Variants in SLC39A6 observed in about 807,000 individuals in gnomAD.
SLC39A6 encodes the protein zinc transporter ZIP6.
In SLC39A6, 51 loss-of-function variants were observed where a neutral mutation model predicts 63.5. The ratio of observed to expected loss-of-function variants is 0.80; its 90% confidence interval spans 0.64 to 1.01. The LOEUF is 1.01. Among genes scored for constraint, SLC39A6 ranks in the 50% least tolerant of loss-of-function variants. The pLI, the probability that SLC39A6 is intolerant of heterozygous loss-of-function variation, is 0.00. For synonymous variants in SLC39A6, 318 were observed against 324.7 expected (o/e 0.98, Z 0.22); for missense variants, 805 against 927.8 (o/e 0.87, Z 1.72).
chr18:36,111,056 T>A lies in SLC39A6; in HGVS notation c.2115+3A>T. Reference sequence around the variant, plus strand: ...AATGTAATAAGACTTCTTAAAAACTTACCATATCAACCAGAGCAACATACA... The same window carrying A: ...AATGTAATAAGACTTCTTAAAAACTAACCATATCAACCAGAGCAACATACA... On this transcript the variant is annotated splice_donor_region_variant and intron_variant, in intron 9 of 9. Transcript: ENST00000269187. The A allele has an allele frequency of 6.2e-7, 1 of 1,613,292 alleles. No homozygotes were observed. The highest frequency in any genetic ancestry group is 8.5e-7 in the Non-Finnish European group (1 of 1,179,368).
At position 36,123,702 on chromosome 18, in the gene SLC39A6, A is replaced by C. The variant is rs142196936; in HGVS notation, c.971-38T>G. 1,435 of 1,564,786 alleles carry C rather than the reference A, an allele frequency of 9.2e-4. 12 individuals carry two copies. The African/African-American group carries it at 0.016, about 17-fold the overall frequency. On this transcript the variant is annotated intron_variant, in intron 3 of 9. Coordinates refer to ENST00000269187, the MANE Select transcript of SLC39A6 (RefSeq NM_012319.4). ...ACAAAACAGAGCAAAGAAAAATTAT[A>C]CAACTAATAAACTCTACAAGAAAGA... is the stretch of plus-strand genomic sequence containing the variant.
intron 4 of SLC39A6, 103 bp downstream of exon 4, chr18:36,123,392 C>T: frequency 9.0e-7 from 1 of 1,105,928 alleles, no homozygotes; most frequent in Non-Finnish European, 1.3e-6. Context: ...CTTTTCTAAA[C>T]CAAATTTCTA....
In SLC39A6 at chr18:36,126,545, C is replaced by G. The variant is rs200950107; in HGVS notation, c.463G>C (p.Gly155Arg). 91 of 1,614,172 alleles carry G rather than the reference C, an allele frequency of 5.6e-5. No individual in the cohort carries two copies. Among genetic ancestry groups the G allele is most frequent in the East Asian group, 6.7e-5 (3 of 44,888 alleles). The change falls in exon 2 of 10, where the codon GGT (glycine) becomes CGT (arginine). Residue 155 changes from glycine to arginine, a missense_variant. Coordinates refer to ENST00000269187, the MANE Select transcript of SLC39A6 (RefSeq NM_012319.4). ...LCPDHDSDSS[G>R]KDPRNSQGKG... ...CCCTGGCTGTTTCTAGGATCTTTAC[C>G]TGAACTATCTGAGTCATGGTCTGGG...
chr18:36,126,968 C>A lies in SLC39A6; in HGVS notation c.40G>T (p.Ala14Ser). The A allele has an allele frequency of 6.2e-7, 1 of 1,613,892 alleles. No homozygotes were observed. Among genetic ancestry groups the A allele is most frequent in the Admixed American group, 1.7e-5 (1 of 59,994 alleles). Residue 14 changes from alanine to serine, a missense_variant, in exon 2 of 10, where the codon GCC becomes TCC. Physicochemically the swap from Ala to Ser is moderately conservative, Grantham distance 99 (BLOSUM62 1). Coordinates refer to ENST00000269187, the MANE Select transcript of SLC39A6 (RefSeq NM_012319.4). ...KLSVILILTF[A>S]LSVTNPLHEL... Reference sequence around the variant, plus strand: ...TGAAGGGGATTTGTGACAGAGAGGGCAAAGGTCAGGATCAAGATTACAGAT... The same window carrying A: ...TGAAGGGGATTTGTGACAGAGAGGGAAAAGGTCAGGATCAAGATTACAGAT...
chr18:36,109,563 T>C lies in SLC39A6; in HGVS notation c.*30A>G. 1.3e-6 allele frequency: 2 copies of C among 1,572,866 alleles called. No homozygotes were observed. The highest frequency in any genetic ancestry group is 1.7e-6 in the Non-Finnish European group (2 of 1,147,812). On this transcript the variant is annotated 3_prime_UTR_variant, in exon 10 of 10. Transcript: ENST00000269187. ...ATGACCTACTGAAACTATGACAACT[T>C]TTTAAGCTACTCTAGCATTTAAACC...
intron 5 of SLC39A6, among the ~76,000 whole-genome samples, chr18:36,121,203 C>A (rs919170196): frequency 6.6e-6 from 1 of 151,452 alleles, no homozygotes; most frequent in Non-Finnish European, 1.5e-5. Context: ...ATTGCCCAGG[C>A]TGGAGTGCAG....
rs115554632 is a variant in SLC39A6, at chr18:36,127,149, C to T, written c.-9-133G>A. On this transcript the variant is annotated intron_variant, in intron 1 of 9. Coordinates refer to ENST00000269187, the MANE Select transcript of SLC39A6 (RefSeq NM_012319.4). ...GCATCATGTGGTGTGACCAGTGTGA[C>T]GCTAGGTACTGTGAAGATGGAAAGA... is the stretch of plus-strand genomic sequence containing the variant. 823 of 756,114 alleles carry T rather than the reference C, an allele frequency of 1.1e-3. 6 individuals carry two copies. The African/African-American group carries it at 0.012, about 11-fold the overall frequency. 46.8% of individuals were successfully genotyped at this position (756,114 alleles called of 1,614,324 possible). A position where few individuals can be genotyped will look rare whatever the true frequency, so the allele number is the denominator to read the frequency against.
At position 36,125,366 on chromosome 18, in the gene SLC39A6, C is replaced by A. The variant is rs1789530; in HGVS notation, c.790-666G>T. ...GCCAAAAAAGAAAAAAAAAAAAAAA[C>A]AACAAAAAAACCCCAAACTGGCTTT... On this transcript the variant is annotated intron_variant, in intron 2 of 9. Transcript: ENST00000269187. 4.4e-3 allele frequency among the ~76,000 whole-genome samples: 499 copies of A among 113,462 alleles called. 1 individual carries two copies. Among genetic ancestry groups the A allele is most frequent in the Middle Eastern group, 0.011 (2 of 186 alleles). The allele number at this position is 113,462 out of a possible 152,430, so 74.4% of individuals were successfully genotyped here. A position where few individuals can be genotyped will look rare whatever the true frequency, so the allele number is the denominator to read the frequency against.
In SLC39A6 at chr18:36,109,552, CTA is replaced by C; in HGVS notation, c.*39_*40del. The C allele has an allele frequency of 6.5e-7, 1 of 1,535,436 alleles. No individual in the cohort carries two copies. The highest frequency in any genetic ancestry group is 1.4e-5 in the African/African-American group (1 of 72,722). ...CTCATCTCCCTATGACCTACTGAAACTATGACAACTTTTTAAGCTACTCTAGC... is the reference window on the plus strand; with the variant it reads ...CTCATCTCCCTATGACCTACTGAAACTGACAACTTTTTAAGCTACTCTAGC... On this transcript the variant is annotated 3_prime_UTR_variant, in exon 10 of 10. Transcript: ENST00000269187.
intron 1 of SLC39A6, among the ~76,000 whole-genome samples, chr18:36,128,542 T>C (rs1598716720): frequency 2.0e-5 from 3 of 152,338 alleles, no homozygotes; most frequent in South Asian, 4.1e-4. Context: ...TCTTTGGGGC[T>C]TGAAGTTTCG....
At chr18:36,113,261 ATTTTT>A (rs79594211) in intron 7 of SLC39A6, among the ~76,000 whole-genome samples, 2 of 146,118 alleles carry the variant, frequency 1.4e-5, no homozygotes, top group African/African-American at 2.5e-5. Context: ...TACCTGGCTA[ATTTTT>A]TTTTTTTTTA....
chr18:36,115,738 C>A (rs751086216), intron 6 of SLC39A6, among the ~76,000 whole-genome samples: 38 of 152,054 alleles, frequency 2.5e-4, no homozygotes, highest in Non-Finnish European at 4.4e-4. Flanking sequence ...GTGAACAATG[C>A]GGGAGAGTGG....
chr18:36,110,083 G>C (rs935992673), intron 9 of SLC39A6, among the ~76,000 whole-genome samples: 2 of 152,104 alleles, frequency 1.3e-5, no homozygotes, highest in Non-Finnish European at 2.9e-5. Context: ...TTTGTCTTTA[G>C]TTCAGAGATA....
chr18:36,116,879 AC>A (rs1200595493), intron 5 of SLC39A6, 100 bp from the exon 6 acceptor site: 2 of 713,940 alleles, frequency 2.8e-6, no homozygotes, highest in Non-Finnish European at 4.8e-6. Context: ...GAATGCCCCC[AC>A]AGTCATCTAC....
intron 2 of SLC39A6, 52 bp from the exon 3 acceptor site, chr18:36,124,752 G>C: frequency 4.6e-6 from 6 of 1,304,570 alleles, no homozygotes; most frequent in Non-Finnish European, 5.2e-6. Context: ...CATTAGAGTA[G>C]TCTGATGACA....
In SLC39A6 at chr18:36,111,706, A is replaced by C. The variant is rs141739897; in HGVS notation, c.1925-457T>G. On this transcript the variant is annotated intron_variant, in intron 8 of 9. Transcript: ENST00000269187. ...CACCATGTTGACCAGGGTGGTTTTG[A>C]ACTTCTGACCTCAGGTGATCCCCTT... 2.0e-3 allele frequency among the ~76,000 whole-genome samples: 302 copies of C among 152,282 alleles called. 1 individual carries two copies. Among genetic ancestry groups the C allele is most frequent in the African/African-American group, 6.1e-3 (255 of 41,552 alleles).
chr18:36,115,364 C>T (rs528167862), intron 6 of SLC39A6, among the ~76,000 whole-genome samples: 28 of 151,952 alleles, frequency 1.8e-4, no homozygotes, highest in African/African-American at 6.3e-4. Flanking sequence ...ATGGCGTGAA[C>T]CCGGGAGGCG....
rs529025176 is a variant in SLC39A6, at chr18:36,121,559, T to C, written c.1359+493A>G. Among the ~76,000 whole-genome samples the C allele has an allele frequency of 1.5e-4, 23 of 152,340 alleles. No homozygotes were observed. The East Asian group carries it at 3.7e-3, about 24-fold the overall frequency. ...CATAGGCGACTCAAAAGGGTTTTTT[T>C]TGGCCAGAAAGAAAGAGCCTATTGT... On this transcript the variant is annotated intron_variant, in intron 5 of 9. Transcript: ENST00000269187.
At chr18:36,116,602 A>T (rs2089347081) in intron 6 of SLC39A6, 72 bp downstream of exon 6, 1 of 1,026,604 alleles carries the variant, frequency 9.7e-7, no homozygotes, top group South Asian at 1.4e-5. Context: ...TTTCTTCCAG[A>T]TAGTCAAGTT....
Sources: allele counts gnomAD v4.1 joint callset (sites outside exome capture counted in the v4.1 genomes callset), GRCh38; gene constraint gnomAD v4.1.1; transcripts MANE v1.5; gene names NCBI Gene and HGNC (gene_info 2026-07-23, HGNC 2026-07-21).